Variants in AFF3 observed in about 807,000 individuals in gnomAD.
AFF3 encodes the protein AF4/FMR2 family member 3.
Under a neutral mutation model 129.7 loss-of-function variants are expected in AFF3, and 32 were observed. That is an observed-to-expected ratio of 0.25 (90% confidence interval 0.19 to 0.33). The LOEUF is 0.33. Ranked by LOEUF, AFF3 falls within the 10% of genes least tolerant of loss-of-function variation. AFF3 has a pLI of 1.00. For synonymous variants in AFF3, 644 were observed against 635.4 expected (o/e 1.01, Z -0.20); for missense variants, 1,373 against 1,592.0 (o/e 0.86, Z 2.34).
chr2:100,029,241 G>T (rs986009702), intron 4 of AFF3, among the ~76,000 whole-genome samples: 1 of 152,134 alleles, frequency 6.6e-6, no homozygotes, highest in African/African-American at 2.4e-5. Flanking sequence ...ATTAGGGTGG[G>T]CCCTAACCCA....
intron 7 of AFF3, among the ~76,000 whole-genome samples, chr2:99,945,157 C>A (rs1315663766): frequency 6.6e-6 from 1 of 152,206 alleles, no homozygotes; most frequent in Non-Finnish European, 1.5e-5. Context: ...ACCGAGCACA[C>A]AGGAACCGGC....
At position 100,105,496 on chromosome 2, in the gene AFF3, T is replaced by G; in HGVS notation, c.-65+8A>C. ...TGGAAACCAACCTCCTTTCTTTTTA[T>G]TTCTCACCGGGAAGGGGGACAAACT... On this transcript the variant is annotated splice_region_variant and intron_variant, in intron 3 of 24. Transcript: ENST00000672756. 1 of 1,329,162 alleles carries G rather than the reference T, an allele frequency of 7.5e-7. No homozygotes were observed. The highest frequency in any genetic ancestry group is 1.0e-6 in the Non-Finnish European group (1 of 1,003,528). The allele number at this position is 1,329,162 out of a possible 1,614,324, so 82.3% of individuals were successfully genotyped here.
chr2:99,879,481 C>T (rs946012983), intron 7 of AFF3, among the ~76,000 whole-genome samples: 1 of 152,166 alleles, frequency 6.6e-6, no homozygotes, highest in Admixed American at 6.5e-5. Flanking sequence ...ATCAGTATTT[C>T]TTCTATTTCC....
At chr2:99,700,445 T>G (rs377028226) in intron 11 of AFF3, among the ~76,000 whole-genome samples, 14 of 152,314 alleles carry the variant, frequency 9.2e-5, no homozygotes, top group African/African-American at 3.4e-4. Flanking sequence ...TGGCTTCTCT[T>G]TGGTGCTCAA....
At chr2:99,904,765 G>A (rs780512310) in intron 7 of AFF3, among the ~76,000 whole-genome samples, 9 of 152,160 alleles carry the variant, frequency 5.9e-5, no homozygotes, top group East Asian at 3.9e-4. Context: ...AGATAATCCC[G>A]AATGAGAATG....
At chr2:99,742,694 T>G (rs1235023197) in intron 10 of AFF3, among the ~76,000 whole-genome samples, 1 of 152,248 alleles carries the variant, frequency 6.6e-6, no homozygotes, top group Non-Finnish European at 1.5e-5. Context: ...AGCTGTCATT[T>G]TTTTAGCCAG....
intron 7 of AFF3, among the ~76,000 whole-genome samples, chr2:99,854,361 T>C (rs1301173915): frequency 6.6e-6 from 1 of 152,214 alleles, no homozygotes; most frequent in Non-Finnish European, 1.5e-5. Context: ...AAACTTTCAC[T>C]TGGCATTCCT....
chr2:100,024,892 T>C (rs1683912135), intron 4 of AFF3, among the ~76,000 whole-genome samples: 2 of 152,150 alleles, frequency 1.3e-5, no homozygotes, highest in Non-Finnish European at 2.9e-5. Flanking sequence ...AAAATAGTTA[T>C]CTTGAGGTGA....
chr2:100,014,802 T>TTTTTTTTTTTTTTTTTTTTTTTTG (rs1682855504), intron 4 of AFF3, among the ~76,000 whole-genome samples: 1 of 145,606 alleles, frequency 6.9e-6, no homozygotes, highest in African/African-American at 2.7e-5. Context: ...TTTTTTTTTT[T>TTTTTTTTTTTTTTTTTTTTTTTTG]AGACGGAGTC....
intron 7 of AFF3, among the ~76,000 whole-genome samples, chr2:99,838,158 C>T (rs562253000): frequency 2.4e-4 from 37 of 152,194 alleles, no homozygotes; most frequent in Admixed American, 6.5e-4. Context: ...AGGTCACAGC[C>T]GACTCTGGGG....
chr2:99,625,344 G>A lies in AFF3; in HGVS notation c.1185-23723C>T, dbSNP rs142680296. ...ATATGCAATATTAGGGACACATTTA[G>A]ACTACAGAATTATTCATTGTTCCTG... On this transcript the variant is annotated intron_variant, in intron 13 of 24. Transcript: ENST00000672756. 2.2e-3 allele frequency among the ~76,000 whole-genome samples: 335 copies of A among 152,312 alleles called. 1 individual carries two copies. The highest frequency in any genetic ancestry group is 7.3e-3 in the African/African-American group (305 of 41,576).
At chr2:99,721,340 C>A (rs1236306437) in intron 11 of AFF3, among the ~76,000 whole-genome samples, 1 of 152,048 alleles carries the variant, frequency 6.6e-6, no homozygotes, top group Non-Finnish European at 1.5e-5. Context: ...ATCATCCTGG[C>A]CAACATGGTG....
chr2:100,053,799 C>G (rs1399417126), intron 4 of AFF3, among the ~76,000 whole-genome samples: 5 of 152,304 alleles, frequency 3.3e-5, no homozygotes, highest in Admixed American at 2.0e-4. Flanking sequence ...ATCCTCTTGA[C>G]AGCAACAGCA....
chr2:99,775,437 T>C (rs1003957848), intron 8 of AFF3, among the ~76,000 whole-genome samples: 2 of 152,176 alleles, frequency 1.3e-5, no homozygotes, highest in Admixed American at 1.3e-4. Context: ...CCTTTATCCT[T>C]AGCAAACTAA....
chr2:99,558,848 C>A (rs1247101382), intron 22 of AFF3, 27 bp downstream of exon 22: 1 of 1,602,822 alleles, frequency 6.2e-7, no homozygotes, highest in Non-Finnish European at 8.5e-7. Context: ...AATTAAGGAA[C>A]AATTCTGCTC....
chr2:100,001,906 C>T (rs185813362), intron 7 of AFF3, among the ~76,000 whole-genome samples: 4 of 152,370 alleles, frequency 2.6e-5, no homozygotes, highest in East Asian at 1.9e-4. Context: ...TTCGGGTATA[C>T]GCAGTACAGG....
chr2:99,993,038 C>A (rs975285599), intron 7 of AFF3, among the ~76,000 whole-genome samples: 4 of 152,198 alleles, frequency 2.6e-5, no homozygotes, highest in Admixed American at 1.3e-4. Context: ...GGAATATGGA[C>A]CATCTTGGAT....
chr2:100,133,370 A>G (rs373023709), intron 1 of AFF3, among the ~76,000 whole-genome samples: 2 of 152,110 alleles, frequency 1.3e-5, no homozygotes, highest in East Asian at 1.9e-4. Flanking sequence ...TTGAAAATGT[A>G]TCTCCTAGTA....
chr2:99,844,013 C>A (rs1025285769), intron 7 of AFF3, among the ~76,000 whole-genome samples: 1 of 151,712 alleles, frequency 6.6e-6, no homozygotes, highest in African/African-American at 2.4e-5. Flanking sequence ...CTGGATGACA[C>A]AGTGAGACTC....
Sources: allele counts gnomAD v4.1 joint callset (sites outside exome capture counted in the v4.1 genomes callset), GRCh38; gene constraint gnomAD v4.1.1; transcripts MANE v1.5; gene names NCBI Gene and HGNC (gene_info 2026-07-23, HGNC 2026-07-21).